Variants in GRM7 observed in about 807,000 individuals in gnomAD.
The protein encoded by GRM7 is metabotropic glutamate receptor 7.
In GRM7, 35 loss-of-function variants were observed where a neutral mutation model predicts 84.5. That is an observed-to-expected ratio of 0.41 (90% confidence interval 0.32 to 0.55). The LOEUF is 0.55. Ranked by LOEUF, GRM7 falls within the 20% of genes least tolerant of loss-of-function variation. GRM7 has a pLI of 0.19. For missense variants in GRM7, 1,003 were observed against 1,194.6 expected, an observed-to-expected ratio of 0.84 and a Z score of 2.36; for synonymous variants, 487 against 455.1, an observed-to-expected ratio of 1.07 and a Z score of -0.89.
In GRM7 at chr3:7,350,585, A is replaced by G. The variant is rs142357042; in HGVS notation, c.1033+43933A>G. On this transcript the variant is annotated intron_variant, in intron 4 of 9. Coordinates refer to ENST00000357716, the MANE Select transcript of GRM7 (RefSeq NM_000844.4). ...TGAGCCAATTAAACCTCTTTTCTTT[A>G]TAAATTTCCCATTCTCAGGCATTTC... 4.8e-3 allele frequency among the ~76,000 whole-genome samples: 729 copies of G among 152,212 alleles called. 2 individuals carry two copies. The highest frequency in any genetic ancestry group is 7.9e-3 in the South Asian group (38 of 4,822).
intron 1 of GRM7, among the ~76,000 whole-genome samples, chr3:6,970,849 G>A (rs1345025829): frequency 6.6e-6 from 1 of 152,138 alleles, no homozygotes; most frequent in Non-Finnish European, 1.5e-5. Flanking sequence ...GGGCGTGGTG[G>A]CGGGCGCCTG....
chr3:6,950,467 C>T (rs1233351432), intron 1 of GRM7, among the ~76,000 whole-genome samples: 1 of 152,224 alleles, frequency 6.6e-6, no homozygotes, highest in African/African-American at 2.4e-5. Flanking sequence ...TACGCCCCTA[C>T]TGGGGGGTGC....
chr3:7,485,742 T>C (rs921548249), intron 7 of GRM7, among the ~76,000 whole-genome samples: 1 of 152,204 alleles, frequency 6.6e-6, no homozygotes, highest in African/African-American at 2.4e-5. Flanking sequence ...AATTTTTGCT[T>C]TTACAGAAAC....
intron 1 of GRM7, among the ~76,000 whole-genome samples, chr3:7,006,173 T>A (rs1695178249): frequency 6.6e-6 from 1 of 151,902 alleles, no homozygotes; most frequent in South Asian, 2.1e-4. Context: ...TTTGAAAGAG[T>A]CCCCCAGAAA....
chr3:7,154,400 A>AT (rs1171346469), intron 2 of GRM7, among the ~76,000 whole-genome samples: 1 of 152,144 alleles, frequency 6.6e-6, no homozygotes, highest in African/African-American at 2.4e-5. Flanking sequence ...GTGACAAGGT[A>AT]TTTTTGCTGG....
At chr3:7,315,718 C>G (rs1319322919) in intron 4 of GRM7, among the ~76,000 whole-genome samples, 2 of 152,152 alleles carry the variant, frequency 1.3e-5, no homozygotes, top group Non-Finnish European at 2.9e-5. Flanking sequence ...GGGACAAAGA[C>G]AAGTAAAAAT....
chr3:7,167,202 G>C (rs190690217), intron 2 of GRM7, among the ~76,000 whole-genome samples: 3 of 152,016 alleles, frequency 2.0e-5, no homozygotes, highest in South Asian at 4.2e-4. Flanking sequence ...TTTTATTATC[G>C]CCAAAATAAG....
intron 5 of GRM7, among the ~76,000 whole-genome samples, chr3:7,431,513 C>T (rs1329495158): frequency 2.6e-5 from 4 of 152,152 alleles, no homozygotes; most frequent in Non-Finnish European, 2.9e-5. Flanking sequence ...GCAGAATGTA[C>T]TTCTATTAAA....
chr3:7,403,469 G>C (rs543214872), intron 4 of GRM7, among the ~76,000 whole-genome samples: 1 of 151,008 alleles, frequency 6.6e-6, no homozygotes, highest in African/African-American at 2.4e-5. Flanking sequence ...TCTCTATGTA[G>C]CAGAATATTA....
intron 5 of GRM7, among the ~76,000 whole-genome samples, chr3:7,426,446 C>T (rs994910690): frequency 6.6e-6 from 1 of 152,140 alleles, no homozygotes; most frequent in East Asian, 1.9e-4. Context: ...ATTTTTCTTG[C>T]CACAGGGCCT....
intron 4 of GRM7, among the ~76,000 whole-genome samples, chr3:7,386,987 T>C (rs992810114): frequency 1.3e-5 from 2 of 152,194 alleles, no homozygotes; most frequent in Non-Finnish European, 2.9e-5. Context: ...TGTATTTCAT[T>C]GTGGTTTTTA....
chr3:7,448,201 A>G (rs1697608827), intron 5 of GRM7, among the ~76,000 whole-genome samples: 1 of 151,170 alleles, frequency 6.6e-6, no homozygotes, highest in Non-Finnish European at 1.5e-5. Context: ...ATAATGCCGC[A>G]ATAAACATAC....
chr3:7,283,713 A>T (rs1316692948), intron 2 of GRM7, among the ~76,000 whole-genome samples: 1 of 152,178 alleles, frequency 6.6e-6, no homozygotes, highest in Non-Finnish European at 1.5e-5. Context: ...CTACACAATT[A>T]TTTCCTACTT....
At chr3:6,999,494 A>G (rs1221300834) in intron 1 of GRM7, among the ~76,000 whole-genome samples, 1 of 152,080 alleles carries the variant, frequency 6.6e-6, no homozygotes, top group Non-Finnish European at 1.5e-5. Flanking sequence ...TGCTTCCACA[A>G]TCGGGTACCC....
chr3:6,976,971 A>T (rs1337493115), intron 1 of GRM7, among the ~76,000 whole-genome samples: 1 of 152,134 alleles, frequency 6.6e-6, no homozygotes, highest in Non-Finnish European at 1.5e-5. Context: ...AGTGAAGAGA[A>T]TCAGTGCAGA....
intron 8 of GRM7, among the ~76,000 whole-genome samples, chr3:7,661,216 G>C (rs1699430264): frequency 6.6e-6 from 1 of 152,026 alleles, no homozygotes; most frequent in Non-Finnish European, 1.5e-5. Context: ...TCTGATAAAG[G>C]GCCTATATTT....
intron 1 of GRM7, among the ~76,000 whole-genome samples, chr3:6,909,311 T>A (rs1287447654): frequency 6.6e-6 from 1 of 152,158 alleles, no homozygotes; most frequent in Non-Finnish European, 1.5e-5. Flanking sequence ...ATAGTAAAAC[T>A]GTCCAACTCT....
intron 5 of GRM7, among the ~76,000 whole-genome samples, chr3:7,433,854 T>G (rs1478362603): frequency 3.3e-5 from 5 of 152,228 alleles, no homozygotes; most frequent in Non-Finnish European, 7.3e-5. Context: ...CTGTGAATTC[T>G]TTAGTACACA....
chr3:6,963,877 G>A (rs1424452232), intron 1 of GRM7, among the ~76,000 whole-genome samples: 1 of 152,120 alleles, frequency 6.6e-6, no homozygotes, highest in Non-Finnish European at 1.5e-5. Flanking sequence ...CTGCACATCA[G>A]ATTTGCCATG....
Sources: allele counts gnomAD v4.1 joint callset (sites outside exome capture counted in the v4.1 genomes callset), GRCh38; gene constraint gnomAD v4.1.1; transcripts MANE v1.5; gene names NCBI Gene and HGNC (gene_info 2026-07-23, HGNC 2026-07-21).